The following SCCPDH variants were observed in gnomAD, a reference collection of about 807,000 sequenced individuals.
SCCPDH encodes the protein saccharopine dehydrogenase (putative).
Under a neutral mutation model 51.5 loss-of-function variants are expected in SCCPDH, and 34 were observed. That is an observed-to-expected ratio of 0.66 (90% CI 0.50 to 0.88). The LOEUF (loss-of-function observed/expected upper bound fraction) is 0.88, where lower values mean the gene tolerates loss of function less well. SCCPDH is among the 40% of genes least tolerant of loss of function. SCCPDH has a pLI of 0.00. For missense variants in SCCPDH, 464 were observed against 527.1 expected (o/e 0.88, Z 1.17); for synonymous variants, 187 against 191.3 (o/e 0.98, Z 0.19).
chr1:246,750,785 C>A (rs751030485), intron 5 of SCCPDH, among the ~76,000 whole-genome samples: 1 of 152,182 alleles, frequency 6.6e-6, no homozygotes, highest in Admixed American at 6.5e-5. Context: ...ATACTTTAGA[C>A]GACCAATTGG....
chr1:246,753,658 T>C (rs1249613406), intron 5 of SCCPDH, among the ~76,000 whole-genome samples: 1 of 151,950 alleles, frequency 6.6e-6, no homozygotes, highest in Non-Finnish European at 1.5e-5. Context: ...TGTAGGAACG[T>C]TTTGGCCAGA....
At chr1:246,750,220 G>A (rs1668830208) in intron 5 of SCCPDH, among the ~76,000 whole-genome samples, 1 of 152,140 alleles carries the variant, frequency 6.6e-6, no homozygotes, top group Non-Finnish European at 1.5e-5. Context: ...TCATGCTAAT[G>A]TTGGTGTACT....
intron 11 of SCCPDH, among the ~76,000 whole-genome samples, chr1:246,766,496 G>C (rs1034626038): frequency 6.7e-6 from 1 of 148,910 alleles, no homozygotes; most frequent in Admixed American, 6.8e-5. Context: ...TACCCAGCTG[G>C]CAGTAGTAAC....
At chr1:246,760,100 G>C in intron 8 of SCCPDH, 24 bp downstream of exon 8, 1 of 1,599,842 alleles carries the variant, frequency 6.3e-7, no homozygotes, top group Non-Finnish European at 8.5e-7. Flanking sequence ...TATGAAATTA[G>C]ATTATTTTTA....
chr1:246,751,667 AC>A (rs1475606715), intron 5 of SCCPDH, among the ~76,000 whole-genome samples: 1 of 152,180 alleles, frequency 6.6e-6, no homozygotes. Context: ...ACGACCTTTG[AC>A]ATGCCTTAAC....
At chr1:246,749,055 G>A (rs145490669) in intron 5 of SCCPDH, among the ~76,000 whole-genome samples, 4 of 152,260 alleles carry the variant, frequency 2.6e-5, no homozygotes, top group African/African-American at 7.2e-5. Context: ...CATGGCCCTC[G>A]GGGGCTGACC....
intron 5 of SCCPDH, among the ~76,000 whole-genome samples, chr1:246,746,232 A>G (rs546774760): frequency 3.7e-4 from 57 of 152,100 alleles, no homozygotes; most frequent in African/African-American, 7.0e-4. Flanking sequence ...AGGGCTTACA[A>G]CTCTAAGGGG....
In SCCPDH at chr1:246,754,030, A is replaced by T. The variant is rs1668893736; in HGVS notation, c.565-4196A>T. ...TCTTGGTCCCTGTCTTGCTTGGGGT[A>T]TTTCCCATATTGGGTCCTGGTTAGG... On this transcript the variant is annotated intron_variant, in intron 5 of 11. Coordinates refer to ENST00000366510, the MANE Select transcript of SCCPDH (RefSeq NM_016002.3). Among the ~76,000 whole-genome samples, 3 of 151,462 alleles carry T rather than the reference A, an allele frequency of 2.0e-5. No homozygotes were observed. The South Asian group carries it at 6.3e-4, about 32-fold the overall frequency.
At chr1:246,746,042 A>G (rs961616169) in intron 5 of SCCPDH, among the ~76,000 whole-genome samples, 5 of 138,692 alleles carry the variant, frequency 3.6e-5, no homozygotes, top group Non-Finnish European at 7.6e-5. Context: ...CGGGAGGCAG[A>G]GTTTGCAGTG....
intron 3 of SCCPDH, among the ~76,000 whole-genome samples, chr1:246,737,256 G>A (rs1399286144): frequency 4.7e-5 from 7 of 148,956 alleles, no homozygotes; most frequent in African/African-American, 1.2e-4. Flanking sequence ...AAGCCCAGGC[G>A]AGGTGGCTCA....
At chr1:246,748,414 T>C (rs1668795404) in intron 5 of SCCPDH, among the ~76,000 whole-genome samples, 1 of 152,170 alleles carries the variant, frequency 6.6e-6, no homozygotes. Flanking sequence ...CCAGTGGGGG[T>C]AGTGTTGTTT....
chr1:246,739,439 G>C (rs1054091061), intron 3 of SCCPDH, among the ~76,000 whole-genome samples: 2 of 152,182 alleles, frequency 1.3e-5, no homozygotes, highest in African/African-American at 2.4e-5. Context: ...AGGAAAGTGT[G>C]AGAAACCGTC....
chr1:246,738,357 A>G (rs1213650636), intron 3 of SCCPDH, among the ~76,000 whole-genome samples: 1 of 151,856 alleles, frequency 6.6e-6, no homozygotes, highest in Non-Finnish European at 1.5e-5. Flanking sequence ...TTAAAAATAC[A>G]AAAGTTAGCT....
intron 9 of SCCPDH, among the ~76,000 whole-genome samples, chr1:246,761,826 C>A (rs927002755): frequency 6.6e-5 from 10 of 152,252 alleles, no homozygotes; most frequent in Admixed American, 2.6e-4. Context: ...CAGCTTTTGG[C>A]TATTGCCAGT....
At chr1:246,742,172 A>C (rs1199001830) in intron 4 of SCCPDH, among the ~76,000 whole-genome samples, 1 of 152,232 alleles carries the variant, frequency 6.6e-6, no homozygotes, top group Non-Finnish European at 1.5e-5. Flanking sequence ...AAAAAGTGAA[A>C]TGTGAATTGA....
Position 246,764,253 on chromosome 1 carries a change from C to G in SCCPDH, c.998C>G (p.Ala333Gly), listed in dbSNP as rs1465733219. The change falls in exon 10 of 12, where the codon GCT becomes GGT. Residue 333 changes from alanine to glycine, a missense_variant. Transcript: ENST00000366510. ...KQGPTQKQID[A>G]ASFTLTFFGQ... ...TTGCCTTCTCCTTCACAGATTGATG[C>G]TGCCTCATTCACGCTGACATTCTTT... 6.2e-7 allele frequency: 1 copy of G among 1,610,400 alleles called. No homozygotes were observed. Among genetic ancestry groups the G allele is most frequent in the Non-Finnish European group, 8.5e-7 (1 of 1,177,208 alleles).
At chr1:246,729,438 G>A (rs1668456522) in intron 2 of SCCPDH, among the ~76,000 whole-genome samples, 3 of 152,144 alleles carry the variant, frequency 2.0e-5, no homozygotes, top group Admixed American at 2.0e-4. Flanking sequence ...CTTTCCCAGG[G>A]TTATTCCTTG....
At chr1:246,751,162 TA>T (rs1668846408) in intron 5 of SCCPDH, among the ~76,000 whole-genome samples, 1 of 152,260 alleles carries the variant, frequency 6.6e-6, no homozygotes, top group African/African-American at 2.4e-5. Flanking sequence ...ATTTGACAAT[TA>T]GCAGATCAGC....
chr1:246,746,548 TA>T (rs1668764267), intron 5 of SCCPDH, among the ~76,000 whole-genome samples: 1 of 152,040 alleles, frequency 6.6e-6, no homozygotes. Context: ...CTTATAAGAA[TA>T]AAAAGAAGTG....
Sources: allele counts gnomAD v4.1 joint callset (sites outside exome capture counted in the v4.1 genomes callset), GRCh38; gene constraint gnomAD v4.1.1; transcripts MANE v1.5; gene names NCBI Gene and HGNC (gene_info 2026-07-23, HGNC 2026-07-21).